STRBP: variants seen among roughly 807,000 people sequenced by gnomAD.
The protein encoded by STRBP is spermatid perinuclear RNA binding protein.
In STRBP, 13 loss-of-function variants were observed where a neutral mutation model predicts 80.1. The ratio of observed to expected loss-of-function variants is 0.16; its 90% confidence interval spans 0.11 to 0.26. STRBP has a LOEUF of 0.26. STRBP is among the 10% of genes least tolerant of loss of function. STRBP has a pLI of 1.00. For missense variants in STRBP, 485 were observed against 815.2 expected (o/e 0.59, Z 4.93); for synonymous variants, 284 against 291.2 (o/e 0.98, Z 0.25).
At chr9:123,139,904 T>C (rs978241526) in intron 13 of STRBP, among the ~76,000 whole-genome samples, 1 of 152,204 alleles carries the variant, frequency 6.6e-6, no homozygotes, top group Non-Finnish European at 1.5e-5. Flanking sequence ...CTCAGGATAA[T>C]TGAGTTTAAA....
intron 2 of STRBP, among the ~76,000 whole-genome samples, chr9:123,205,736 G>A (rs2039491230): frequency 6.6e-6 from 1 of 152,062 alleles, no homozygotes; most frequent in Non-Finnish European, 1.5e-5. Context: ...TAATTTCCAG[G>A]CTCTTGCTAC....
At chr9:123,153,112 G>A (rs1307533241) in intron 11 of STRBP, among the ~76,000 whole-genome samples, 2 of 152,116 alleles carry the variant, frequency 1.3e-5, no homozygotes, top group South Asian at 4.1e-4. Context: ...AGACCAGGAG[G>A]TGACTGCAAT....
intron 2 of STRBP, among the ~76,000 whole-genome samples, chr9:123,202,344 A>C (rs929085392): frequency 2.0e-5 from 3 of 152,152 alleles, no homozygotes; most frequent in Non-Finnish European, 4.4e-5. Context: ...ACTTTGGTGT[A>C]TATCAGGCTT....
intron 11 of STRBP, among the ~76,000 whole-genome samples, chr9:123,156,730 T>C (rs1454481462): frequency 6.6e-6 from 1 of 151,098 alleles, no homozygotes; most frequent in African/African-American, 2.4e-5. Context: ...ACAGCTTTGA[T>C]GTTGTAGACT....
At chr9:123,140,999 G>A (rs946502596) in intron 13 of STRBP, among the ~76,000 whole-genome samples, 1 of 152,176 alleles carries the variant, frequency 6.6e-6, no homozygotes, top group African/African-American at 2.4e-5. Flanking sequence ...TACATCAGAG[G>A]ATATAGGGAC....
At chr9:123,236,084 G>A (rs1200079119) in intron 2 of STRBP, among the ~76,000 whole-genome samples, 2 of 152,094 alleles carry the variant, frequency 1.3e-5, no homozygotes, top group Non-Finnish European at 2.9e-5. Flanking sequence ...TCAAAATACT[G>A]AGGAATGGTA....
chr9:123,241,090 A>G (rs2040684014), intron 1 of STRBP, among the ~76,000 whole-genome samples: 2 of 151,726 alleles, frequency 1.3e-5, no homozygotes, highest in Admixed American at 1.3e-4. Flanking sequence ...GAGGCAGGAG[A>G]ATCACTTGAA....
At chr9:123,147,380 A>G (rs1408704886) in intron 12 of STRBP, among the ~76,000 whole-genome samples, 3 of 152,090 alleles carry the variant, frequency 2.0e-5, no homozygotes, top group African/African-American at 7.2e-5. Context: ...AATCAATCAA[A>G]TTCTTCACTT....
At chr9:123,135,354 A>G (rs2036307353) in intron 16 of STRBP, among the ~76,000 whole-genome samples, 1 of 152,162 alleles carries the variant, frequency 6.6e-6, no homozygotes, top group African/African-American at 2.4e-5. Flanking sequence ...AGTACTCTCT[A>G]TGAGGCACAA....
intron 2 of STRBP, among the ~76,000 whole-genome samples, chr9:123,209,458 T>C (rs1447594410): frequency 6.6e-6 from 1 of 152,204 alleles, no homozygotes; most frequent in Non-Finnish European, 1.5e-5. Flanking sequence ...AAGAATTAAA[T>C]GTAAAAATGT....
At chr9:123,134,353 C>T (rs1053629942) in intron 16 of STRBP, among the ~76,000 whole-genome samples, 1 of 152,186 alleles carries the variant, frequency 6.6e-6, no homozygotes, top group African/African-American at 2.4e-5. Flanking sequence ...GAAAATGCAA[C>T]ATCCTTTATT....
chr9:123,116,229 C>G, intron 2 of STRBP: 1 of 377,732 alleles, frequency 2.6e-6, no homozygotes, highest in East Asian at 7.3e-5. Flanking sequence ...TGGGTTAGAG[C>G]ACATGTTTGA....
chr9:123,170,488 T>C (rs1359949169), intron 5 of STRBP, among the ~76,000 whole-genome samples: 1 of 152,188 alleles, frequency 6.6e-6, no homozygotes, highest in African/African-American at 2.4e-5. Flanking sequence ...CAAAAACTTA[T>C]GAATATAGGA....
At chr9:123,224,239 C>G (rs1040980518) in intron 2 of STRBP, among the ~76,000 whole-genome samples, 17 of 152,184 alleles carry the variant, frequency 1.1e-4, no homozygotes, top group Non-Finnish European at 2.5e-4. Flanking sequence ...CTAATCTTGT[C>G]TCCAATCATG....
intron 4 of STRBP, among the ~76,000 whole-genome samples, chr9:123,178,374 T>C (rs1301798204): frequency 1.3e-5 from 2 of 152,208 alleles, no homozygotes; most frequent in Non-Finnish European, 2.9e-5. Flanking sequence ...TAGCCTGGCA[T>C]AAAAAGATTA....
rs1554746849 is a variant in STRBP, at chr9:123,144,211, A to AG, written c.1338+2643_1338+2644insC. 3.0e-4 allele frequency among the ~76,000 whole-genome samples: 46 copies of AG among 151,722 alleles called. 1 individual carries two copies. The highest frequency in any genetic ancestry group is 1.9e-3 in the South Asian group (9 of 4,820). ...AGACTCCGTCTCAAAAAAAAAAAAA[A>AG]AAAGAAAGAAAGAAAGAAAGATCCT... On this transcript the variant is annotated intron_variant, in intron 13 of 18. Transcript: ENST00000348403.
chr9:123,140,033 A>T lies in STRBP; in HGVS notation c.1339-346T>A, dbSNP rs189915491. Reference sequence around the variant, plus strand: ...CCAATAGGATAAGGACAGAAGTAGCATACTATAAAAAGTACCCTGGTCTAG... The same window carrying T: ...CCAATAGGATAAGGACAGAAGTAGCTTACTATAAAAAGTACCCTGGTCTAG... On this transcript the variant is annotated intron_variant, in intron 13 of 18. Transcript: ENST00000348403. Among the ~76,000 whole-genome samples, 551 of 152,334 alleles carry T rather than the reference A, an allele frequency of 3.6e-3. 4 individuals carry two copies. Among genetic ancestry groups the T allele is most frequent in the African/African-American group, 0.013 (541 of 41,586 alleles).
intron 2 of STRBP, among the ~76,000 whole-genome samples, chr9:123,211,357 G>C (rs1370101063): frequency 1.3e-5 from 2 of 152,164 alleles, no homozygotes; most frequent in Non-Finnish European, 2.9e-5. Context: ...CCATAAAGAT[G>C]TGATAAAGAC....
At chr9:123,214,458 A>G (rs947091052) in intron 2 of STRBP, among the ~76,000 whole-genome samples, 1 of 152,300 alleles carries the variant, frequency 6.6e-6, no homozygotes, top group East Asian at 1.9e-4. Context: ...ATTTACTCAT[A>G]TATCCAAATA....
Sources: gnomAD v4.1 joint callset for allele counts (sites outside exome capture counted in the v4.1 genomes callset) on GRCh38, gnomAD v4.1.1 for gene constraint, MANE v1.5 for transcripts, NCBI Gene and HGNC (gene_info 2026-07-23, HGNC 2026-07-21) for gene names.